Variants in SEPTIN11 observed in about 807,000 individuals in gnomAD.
SEPTIN11 encodes the protein septin 11.
A neutral mutation model predicts 51.4 loss-of-function variants in SEPTIN11; 25 were observed. The ratio of observed to expected loss-of-function variants is 0.49; its 90% confidence interval spans 0.35 to 0.68. The LOEUF is 0.68. SEPTIN11 is among the 30% of genes least tolerant of loss of function. The probability of loss-of-function intolerance (pLI) is 0.00; values close to 1 mark genes in which losing one functional copy is unlikely to be tolerated. For synonymous variants in SEPTIN11, 174 were observed against 184.1 expected, an observed-to-expected ratio of 0.95 and a Z score of 0.44; for missense variants, 381 against 520.8, an observed-to-expected ratio of 0.73 and a Z score of 2.61.
chr4:77,021,015 G>A (rs1725679086), intron 7 of SEPTIN11: 1 of 206,986 alleles, frequency 4.8e-6, no homozygotes, highest in Non-Finnish European at 9.7e-6. Context: ...CTCTTGCAGA[G>A]GTGCAGAGCC....
At chr4:76,962,814 C>T (rs1255449023) in intron 1 of SEPTIN11, among the ~76,000 whole-genome samples, 1 of 152,146 alleles carries the variant, frequency 6.6e-6, no homozygotes, top group Admixed American at 6.5e-5. Flanking sequence ...TTAAGGTATA[C>T]ACACAGTCAC....
At position 77,019,211 on chromosome 4, in the gene SEPTIN11, T is replaced by C. The variant is rs1190384708; in HGVS notation, c.734T>C (p.Ile245Thr). 3 of 1,613,796 alleles carry C rather than the reference T, an allele frequency of 1.9e-6. No homozygotes were observed. The highest frequency in any genetic ancestry group is 2.5e-6 in the Non-Finnish European group (3 of 1,179,900). Residue 245 changes from isoleucine to threonine, a missense_variant, in exon 6 of 10, where the codon ATT becomes ACT. Ile to Thr is a moderately conservative substitution (Grantham distance 89). Coordinates refer to ENST00000264893, the MANE Select transcript of SEPTIN11 (RefSeq NM_018243.4). ...GTTGGCAGCACCGAAGAGGTGAAGATTGGCAACAAGATGGCAAAGGCCAGG... is the reference window on the plus strand; with the variant it reads ...GTTGGCAGCACCGAAGAGGTGAAGACTGGCAACAAGATGGCAAAGGCCAGG... ...AVVGSTEEVKIGNKMAKARQY... is the reference protein window; with the variant it reads ...AVVGSTEEVKTGNKMAKARQY...
chr4:76,965,568 ATTT>A (rs1237795234), intron 1 of SEPTIN11, among the ~76,000 whole-genome samples: 1 of 150,982 alleles, frequency 6.6e-6, no homozygotes, highest in African/African-American at 2.4e-5. Flanking sequence ...ATTATATATA[ATTT>A]ATTATAGGAA....
downstream of SEPTIN11, chr4:77,039,276 A>C: frequency 8.8e-7 from 1 of 1,135,500 alleles, no homozygotes; most frequent in East Asian, 6.9e-5. Flanking sequence ...TGGATACTGA[A>C]GTGACTTACC....
At chr4:76,999,721 T>C (rs1394786127) in intron 2 of SEPTIN11, among the ~76,000 whole-genome samples, 1 of 152,194 alleles carries the variant, frequency 6.6e-6, no homozygotes, top group Non-Finnish European at 1.5e-5. Flanking sequence ...ATGAATTAAA[T>C]GTATGCTGCT....
chr4:76,955,492 G>T (rs1395430288), intron 1 of SEPTIN11, among the ~76,000 whole-genome samples: 1 of 152,186 alleles, frequency 6.6e-6, no homozygotes, highest in African/African-American at 2.4e-5. Context: ...CAGACAAGAG[G>T]CTGAGGAGGT....
Position 76,949,899 on chromosome 4 carries a change from C to G in SEPTIN11, c.-5C>G. 6.5e-7 allele frequency: 1 copy of G among 1,530,502 alleles called. No homozygotes were observed. The highest frequency in any genetic ancestry group is 8.7e-7 in the Non-Finnish European group (1 of 1,146,468). 94.8% of individuals were successfully genotyped at this position (1,530,502 alleles called of 1,614,324 possible). ...GGCGCAGCCGGAGCCGGTGCCGCAG[C>G]TGCGATGGCCGTGGCCGTGGGGAGA... On this transcript the variant is annotated 5_prime_UTR_variant, in exon 1 of 10. Transcript: ENST00000264893.
chr4:77,014,790 G>A, intron 4 of SEPTIN11, 66 bp from the exon 5 acceptor site: 4 of 1,516,540 alleles, frequency 2.6e-6, no homozygotes, highest in Non-Finnish European at 3.6e-6. Context: ...TGTTTGCTAT[G>A]TTTTATTCAC....
chr4:76,963,209 A>G (rs1721891839), intron 1 of SEPTIN11, among the ~76,000 whole-genome samples: 1 of 152,226 alleles, frequency 6.6e-6, no homozygotes, highest in South Asian at 2.1e-4. Context: ...GTCTTTAAAT[A>G]TACTTTTGGA....
chr4:77,002,606 A>G (rs1325674547), intron 2 of SEPTIN11, among the ~76,000 whole-genome samples: 1 of 152,212 alleles, frequency 6.6e-6, no homozygotes, highest in Non-Finnish European at 1.5e-5. Context: ...TACCTTCGGT[A>G]TTGACTAGCA....
At chr4:77,015,708 CA>C in intron 5 of SEPTIN11, among the ~76,000 whole-genome samples, 4 of 152,082 alleles carry the variant, frequency 2.6e-5, no homozygotes, top group Non-Finnish European at 5.9e-5. Flanking sequence ...ACATGCTTTG[CA>C]TATAGTGGAG....
At chr4:76,972,312 T>C (rs1722285192) in intron 1 of SEPTIN11, 1 of 152,242 alleles carries the variant, frequency 6.6e-6, no homozygotes, top group Non-Finnish European at 1.5e-5. Flanking sequence ...TGTGTTGTTT[T>C]AGAAATCTAG....
At chr4:76,956,649 C>T (rs964618482) in intron 1 of SEPTIN11, among the ~76,000 whole-genome samples, 3 of 152,170 alleles carry the variant, frequency 2.0e-5, no homozygotes, top group East Asian at 1.9e-4. Context: ...TTCTCAAGAG[C>T]TGGCTTCTCA....
At chr4:77,016,639 TATATATATATATATATAC>T (rs1725308412) in intron 5 of SEPTIN11, among the ~76,000 whole-genome samples, 1 of 110,904 alleles carries the variant, frequency 9.0e-6, no homozygotes, top group Admixed American at 9.8e-5. Context: ...TACACATATA[TATATATATATATATATAC>T]ACATATATAT....
intron 9 of SEPTIN11, among the ~76,000 whole-genome samples, chr4:77,032,493 A>G (rs1281527352): frequency 6.6e-6 from 1 of 152,230 alleles, no homozygotes; most frequent in Non-Finnish European, 1.5e-5. Flanking sequence ...GTGAAGACAG[A>G]TGAAAGCCAT....
At chr4:76,992,619 TG>T (rs1354486059) in intron 1 of SEPTIN11, among the ~76,000 whole-genome samples, 3 of 152,228 alleles carry the variant, frequency 2.0e-5, no homozygotes, top group Non-Finnish European at 4.4e-5. Context: ...TCTGGAGCAT[TG>T]GAAGGGATAA....
chr4:76,951,881 C>T (rs1721362851), intron 1 of SEPTIN11, among the ~76,000 whole-genome samples: 1 of 152,222 alleles, frequency 6.6e-6, no homozygotes, highest in Non-Finnish European at 1.5e-5. Flanking sequence ...AGACCTCCCT[C>T]TTCAGATAAT....
chr4:76,950,039 C>CGGG (rs2109869771), intron 1 of SEPTIN11, 109 bp downstream of exon 1: 1 of 1,161,092 alleles, frequency 8.6e-7, no homozygotes, highest in Non-Finnish European at 1.1e-6. Context: ...GGCCCCGCGG[C>CGGG]GGCGGCGACG....
intron 7 of SEPTIN11, 59 bp downstream of exon 7, chr4:77,020,729 T>G (rs1467873486): frequency 6.6e-7 from 1 of 1,506,480 alleles, no homozygotes; most frequent in Non-Finnish European, 9.1e-7. Flanking sequence ...GGCATGGTGG[T>G]ACATCACAGA....
Sources: allele counts gnomAD v4.1 joint callset (sites outside exome capture counted in the v4.1 genomes callset), GRCh38; gene constraint gnomAD v4.1.1; transcripts MANE v1.5; gene names NCBI Gene and HGNC (gene_info 2026-07-23, HGNC 2026-07-21).